AMACR: variants seen among roughly 807,000 people sequenced by gnomAD.
AMACR encodes the protein alpha-methylacyl-CoA racemase.
AMACR carries 18 observed loss-of-function variants against 22.2 expected under a neutral mutation model. That is an observed-to-expected ratio of 0.81 (90% CI 0.56 to 1.20). The LOEUF (loss-of-function observed/expected upper bound fraction) is 1.20. AMACR is among the 50% of genes most tolerant of loss of function. The pLI is 0.00. For missense variants in AMACR, 499 were observed against 490.6 expected (o/e 1.02, Z -0.16); for synonymous variants, 213 against 191.3 (o/e 1.11, Z -0.94).
chr5:34,001,491 C>A (rs1753815104), intron 3 of AMACR, among the ~76,000 whole-genome samples: 1 of 152,192 alleles, frequency 6.6e-6, no homozygotes, highest in African/African-American at 2.4e-5. Context: ...CTGCTTGTTA[C>A]AAAAGCAGGT....
In AMACR at chr5:34,007,925, A is replaced by G; in HGVS notation, c.95T>C (p.Val32Ala). The change falls in exon 1 of 5, where the codon GTA becomes GCA. Residue 32 changes from valine (V) to alanine (A), a missense_variant. Coordinates refer to ENST00000335606, the MANE Select transcript of AMACR (RefSeq NM_014324.6). ...MVLADFGARV[V>A]RVDRPGSRYD... ...GCGGGAGCCGGGCCGGTCCACGCGT[A>G]CCACACGCGCCCCGAAGTCAGCCAG... is the stretch of plus-strand genomic sequence containing the variant. 6.2e-7 allele frequency: 1 copy of G among 1,609,644 alleles called. No individual in the cohort carries two copies. Among genetic ancestry groups the G allele is most frequent in the South Asian group, 1.1e-5 (1 of 90,972 alleles).
chr5:33,991,463 G>GA (rs1394577955), intron 4 of AMACR, among the ~76,000 whole-genome samples: 1 of 152,074 alleles, frequency 6.6e-6, no homozygotes, highest in Non-Finnish European at 1.5e-5. Context: ...CAATCACTAT[G>GA]AAATTTCTGG....
rs1199485432 is a variant in AMACR, at chr5:33,986,907, TA to T, written c.*2185del. On this transcript the variant is annotated 3_prime_UTR_variant, in exon 5 of 5. Transcript: ENST00000335606. ...CTTTCGTCACCAGTGGAATTCTTTA[TA>T]TTAAATTTCCTCTGTTTTAAAGACT... 6.6e-6 allele frequency: 1 copy of T among 152,256 alleles called. No individual in the cohort carries two copies. Among genetic ancestry groups the T allele is most frequent in the Non-Finnish European group, 1.5e-5 (1 of 68,052 alleles). The allele number at this position is 152,256 out of a possible 1,614,324, so 9.4% of individuals were successfully genotyped here.
chr5:33,989,144 C>G lies in AMACR; in HGVS notation c.1098G>C (p.Gln366His), dbSNP rs1185147161. Reference protein sequence around the residue: ...EFGFSREEIYQLNSDKIIESN... With the variant: ...EFGFSREEIYHLNSDKIIESN... ...TTTCAATGATTTTATCTGAGTTAAG[C>G]TGATAAATCTCTTCGCGGCTGAATC... The change falls in exon 5 of 5, where the codon CAG becomes CAC. Residue 366 changes from glutamine to histidine, a missense_variant. Gln to His is a conservative substitution (Grantham distance 24, BLOSUM62 0). Coordinates refer to ENST00000335606, the MANE Select transcript of AMACR (RefSeq NM_014324.6). 7.4e-6 allele frequency: 12 copies of G among 1,614,202 alleles called. No homozygotes were observed. The highest frequency in any genetic ancestry group is 1.1e-5 in the South Asian group (1 of 91,086).
rs768752342 is a variant in AMACR at position 33,989,303 on chromosome 5, G to A, written c.939C>T (p.Gly313=). The A allele has an allele frequency of 2.9e-5, 46 of 1,614,026 alleles. No individual in the cohort carries two copies. The highest frequency in any genetic ancestry group is 3.6e-5 in the Non-Finnish European group (42 of 1,180,010). ...VVHHDHNKER[G]SFITSEEQDV... ...CCTGCTCCTCACTGGTGATAAACGA[G>A]CCCCGTTCCTTGTTGTGATCATGAT... Residue 313 remains glycine (G), a synonymous_variant, in exon 5 of 5, where the codon GGC becomes GGT. Coordinates refer to ENST00000335606, the MANE Select transcript of AMACR (RefSeq NM_014324.6).
At chr5:34,006,250 C>A (rs958252142) in intron 1 of AMACR, among the ~76,000 whole-genome samples, 1 of 152,204 alleles carries the variant, frequency 6.6e-6, no homozygotes, top group Non-Finnish European at 1.5e-5. Context: ...GCTGCACTTG[C>A]TTGTACATGC....
At chr5:33,996,732 A>G (rs1293706632) in intron 4 of AMACR, among the ~76,000 whole-genome samples, 1 of 152,090 alleles carries the variant, frequency 6.6e-6, no homozygotes, top group Non-Finnish European at 1.5e-5. Context: ...TGATCACACC[A>G]CTGCACTCCA....
In AMACR at chr5:33,988,412, C is replaced by T; in HGVS notation, c.*681G>A. On this transcript the variant is annotated 3_prime_UTR_variant, in exon 5 of 5. Transcript: ENST00000335606. ...AAAGGAAAGCTGACAGCCCAGAGACCCACGGGGAAACAGGCCCCGAGTTAC... is the reference window on the plus strand; with the variant it reads ...AAAGGAAAGCTGACAGCCCAGAGACTCACGGGGAAACAGGCCCCGAGTTAC... 6.5e-7 allele frequency: 1 copy of T among 1,536,616 alleles called. No homozygotes were observed. The highest frequency in any genetic ancestry group is 8.7e-7 in the Non-Finnish European group (1 of 1,146,604).
At position 33,993,764 on chromosome 5, in the gene AMACR, T is replaced by G. The variant is rs998443787; in HGVS notation, c.740-4262A>C. On this transcript the variant is annotated intron_variant, in intron 4 of 4. Coordinates refer to ENST00000335606, the MANE Select transcript of AMACR (RefSeq NM_014324.6). Reference sequence around the variant, plus strand: ...AAATACAAAAATTAGCCGGGCGTGGTGGTGGGCACCTGTAATCCCAGCTAC... The same window carrying G: ...AAATACAAAAATTAGCCGGGCGTGGGGGTGGGCACCTGTAATCCCAGCTAC... Among the ~76,000 whole-genome samples the G allele has an allele frequency of 2.0e-5, 3 of 152,010 alleles. No homozygotes were observed. The South Asian group carries it at 6.2e-4, about 32-fold the overall frequency.
intron 4 of AMACR, among the ~76,000 whole-genome samples, chr5:33,996,581 T>C (rs1312355211): frequency 6.6e-6 from 1 of 151,640 alleles, no homozygotes; most frequent in Non-Finnish European, 1.5e-5. Context: ...AAGTCAGGAG[T>C]TCAAGATCAG....
intron 4 of AMACR, among the ~76,000 whole-genome samples, chr5:33,994,969 A>C (rs1753594558): frequency 1.3e-5 from 2 of 152,214 alleles, no homozygotes; most frequent in Admixed American, 1.3e-4. Flanking sequence ...TCTTCATCCG[A>C]GGTTTGGCTT....
intron 2 of AMACR, among the ~76,000 whole-genome samples, chr5:34,005,549 C>T (rs942792522): frequency 1.3e-5 from 2 of 152,168 alleles, no homozygotes; most frequent in Admixed American, 1.3e-4. Context: ...CATGTATTAA[C>T]CTTCCAACCT....
intron 4 of AMACR, among the ~76,000 whole-genome samples, chr5:33,994,337 CCTGA>C (rs1753572832): frequency 6.6e-6 from 1 of 152,130 alleles, no homozygotes; most frequent in Non-Finnish European, 1.5e-5. Flanking sequence ...CGCCACCATA[CCTGA>C]CTAATTTTTG....
intron 3 of AMACR, among the ~76,000 whole-genome samples, chr5:34,001,176 A>G (rs1450339895): frequency 6.6e-6 from 1 of 152,228 alleles, no homozygotes; most frequent in Non-Finnish European, 1.5e-5. Context: ...CGCAGCCTCA[A>G]TTTGCCACCA....
chr5:33,991,607 CT>C (rs1753475917), intron 4 of AMACR, among the ~76,000 whole-genome samples: 2 of 151,976 alleles, frequency 1.3e-5, no homozygotes, highest in South Asian at 4.1e-4. Flanking sequence ...AATGCTTATT[CT>C]TTTAAGTACA....
rs1753370480 is a variant in AMACR, at chr5:33,988,555, G to T, written c.*538C>A. ...TTGAAGGCATTCTGATTCAATACAGGTGAAACTTTTCTTTGCAAATTACAA... is the reference window on the plus strand; with the variant it reads ...TTGAAGGCATTCTGATTCAATACAGTTGAAACTTTTCTTTGCAAATTACAA... On this transcript the variant is annotated 3_prime_UTR_variant, in exon 5 of 5. Transcript: ENST00000335606. 12 of 1,369,792 alleles carry T rather than the reference G, an allele frequency of 8.8e-6. No individual in the cohort carries two copies. The highest frequency in any genetic ancestry group is 1.1e-5 in the Non-Finnish European group (12 of 1,064,786). The allele number at this position is 1,369,792 out of a possible 1,614,324, so 84.9% of individuals were successfully genotyped here.
At chr5:33,996,350 G>A (rs1033522484) in intron 4 of AMACR, among the ~76,000 whole-genome samples, 6 of 152,066 alleles carry the variant, frequency 3.9e-5, no homozygotes, top group African/African-American at 1.4e-4. Flanking sequence ...CAACGCACAC[G>A]TACACACGCA....
At chr5:34,003,708 C>T (rs1242554992) in intron 3 of AMACR, among the ~76,000 whole-genome samples, 1 of 152,216 alleles carries the variant, frequency 6.6e-6, no homozygotes, top group African/African-American at 2.4e-5. Context: ...CAATTCCCAG[C>T]AATTTTATAC....
At chr5:34,004,549 G>T (rs553862435) in intron 3 of AMACR, 25 bp downstream of exon 3, 1 of 1,613,908 alleles carries the variant, frequency 6.2e-7, no homozygotes, top group East Asian at 2.2e-5. Flanking sequence ...ACAAGTGGCA[G>T]GCATCTACCC....
Sources: gnomAD v4.1 joint callset for allele counts (sites outside exome capture counted in the v4.1 genomes callset) on GRCh38, gnomAD v4.1.1 for gene constraint, MANE v1.5 for transcripts, NCBI Gene and HGNC (gene_info 2026-07-23, HGNC 2026-07-21) for gene names.